The following BRD2 variants were observed in gnomAD, a reference collection of about 807,000 sequenced individuals.
BRD2 encodes the protein bromodomain containing 2, also known as bromodomain-containing protein 2.
In BRD2, 15 loss-of-function variants were observed where a neutral mutation model predicts 79.1. That is an observed-to-expected ratio of 0.19 (90% CI 0.13 to 0.29). The LOEUF (loss-of-function observed/expected upper bound fraction) is 0.29, where lower values mean the gene tolerates loss of function less well. BRD2 is among the 10% of genes least tolerant of loss of function. The probability of loss-of-function intolerance (pLI) is 1.00; values close to 1 mark genes in which losing one functional copy is unlikely to be tolerated. For missense variants in BRD2, 1,053 were observed against 991.3 expected, an observed-to-expected ratio of 1.06 and a Z score of -0.84; for synonymous variants, 488 against 358.6, an observed-to-expected ratio of 1.36 and a Z score of -4.08.
In BRD2 at chr6:32,978,244, G is replaced by C. The variant is rs146321913; in HGVS notation, c.1697G>C (p.Arg566Pro). ...KKRKAEKHRG[R>P]AGADEDDKGP... ...CGGAAGGCAGAGAAGCATCGAGGCC[G>C]AGCTGGGGCCGATGAAGATGACAAG... The change falls in exon 10 of 13, where the codon CGA becomes CCA. Residue 566 changes from arginine to proline, a missense_variant. This residue lies in a region of BRD2 where 454 missense variants were observed against 430.5 expected (regional missense o/e 1.05). Coordinates refer to ENST00000374825, the MANE Select transcript of BRD2 (RefSeq NM_005104.4). The C allele has an allele frequency of 1.2e-6, 2 of 1,613,046 alleles. No individual in the cohort carries two copies. The highest frequency in any genetic ancestry group is 1.7e-6 in the Non-Finnish European group (2 of 1,180,018).
chr6:32,975,285 G>GTGT (rs1554143939), intron 3 of BRD2, 99 bp from the exon 4 acceptor site: 29,569 of 690,066 alleles, frequency 0.043, 255 homozygotes, highest in South Asian at 0.064. Context: ...GCATAGGGGG[G>GTGT]GTGTGTGTGT....
In BRD2 at chr6:32,977,891, G is replaced by C; in HGVS notation, c.1464G>C (p.Glu488Asp). ...CCTCCAGTGAGGAAAGTAGCAGTGA[G>C]AGCTCCTCTGAGGAAGAGGAGGAGG... ...SESSSEESSS[E>D]SSSEEEEEED... Residue 488 changes from glutamate (E) to aspartate (D), a missense_variant, in exon 9 of 13, where the codon GAG becomes GAC. By Grantham distance (45) the Glu-to-Asp change is conservative. Around this residue, in one of 5 missense-constraint regions of BRD2, gnomAD observed 454 missense variants for 430.5 expected, o/e 1.05. Transcript: ENST00000374825. 1 of 1,613,102 alleles carries C rather than the reference G, an allele frequency of 6.2e-7. No homozygotes were observed. Among genetic ancestry groups the C allele is most frequent in the Non-Finnish European group, 8.5e-7 (1 of 1,180,016 alleles).
intron 2 of BRD2, 173 bp downstream of exon 2, chr6:32,973,100 C>T (rs1409767131): frequency 4.5e-6 from 7 of 1,563,210 alleles, no homozygotes; most frequent in East Asian, 2.4e-5. Context: ...GTGGTGGCGG[C>T]TCGGCTACTG....
intron 1 of BRD2, chr6:32,969,346 G>C: frequency 2.8e-6 from 2 of 717,006 alleles, no homozygotes; most frequent in Admixed American, 4.0e-5. Context: ...CAGCAGCCGG[G>C]AGCCAGGTGA....
intron 2 of BRD2, 57 bp downstream of exon 2, chr6:32,972,984 G>A (rs1778227075): frequency 1.9e-6 from 3 of 1,613,818 alleles, no homozygotes; most frequent in African/African-American, 1.3e-5. Context: ...CGGCACAGGG[G>A]TGTGGGGCGC....
chr6:32,980,795 C>G lies in BRD2; in HGVS notation c.*77C>G, dbSNP rs1779442533. On this transcript the variant is annotated 3_prime_UTR_variant, in exon 13 of 13. Transcript: ENST00000374825. ...CACCCTGCCCCACCTGCCCCTTCCC[C>G]CTTTGCTGTGACACTTCTTCATCTC... The G allele has an allele frequency of 6.4e-7, 1 of 1,551,336 alleles. No individual in the cohort carries two copies. Among genetic ancestry groups the G allele is most frequent in the Admixed American group, 1.7e-5 (1 of 58,922 alleles).
intron 10 of BRD2, chr6:32,978,602 T>C: frequency 1.4e-6 from 1 of 726,444 alleles, no homozygotes; most frequent in Non-Finnish European, 2.2e-6. Context: ...GGGATGAAAC[T>C]GTTCCACCTC....
Position 32,980,461 on chromosome 6 carries a change from A to G in BRD2, c.2266A>G (p.Lys756Glu). The G allele has an allele frequency of 6.2e-7, 1 of 1,613,048 alleles. No homozygotes were observed. ...QLNSTKKPPK[K>E]ANEKTESSSA... ...CAATTCTACTAAAAAGCCCCCCAAGAAAGGTGAGTATATACTTTCATGCCA... is the reference window on the plus strand; with the variant it reads ...CAATTCTACTAAAAAGCCCCCCAAGGAAGGTGAGTATATACTTTCATGCCA... Residue 756 changes from lysine to glutamate, a missense_variant, in exon 12 of 13, where the codon AAA (lysine) becomes GAA (glutamate). Lys to Glu is a moderately conservative substitution (Grantham distance 56). Coordinates refer to ENST00000374825, the MANE Select transcript of BRD2 (RefSeq NM_005104.4).
In BRD2 at chr6:32,977,871, A is replaced by G. The variant is rs1561950815; in HGVS notation, c.1444A>G (p.Ser482Gly). 2 of 1,613,100 alleles carry G rather than the reference A, an allele frequency of 1.2e-6. No homozygotes were observed. The highest frequency in any genetic ancestry group is 1.7e-6 in the Non-Finnish European group (2 of 1,180,034). ...GGCCAAATCGTCTTCAGAGTCCTCC[A>G]GTGAGGAAAGTAGCAGTGAGAGCTC... is the stretch of plus-strand genomic sequence containing the variant. ...GLAKSSSESS[S>G]EESSSESSSE... Residue 482 changes from serine to glycine, a missense_variant, in exon 9 of 13, where the codon AGT becomes GGT. By Grantham distance (56) the Ser-to-Gly change is moderately conservative. Coordinates refer to ENST00000374825, the MANE Select transcript of BRD2 (RefSeq NM_005104.4).
chr6:32,977,570 G>A lies in BRD2; in HGVS notation c.1329G>A (p.Gln443=), dbSNP rs1396481017. 6.2e-7 allele frequency: 1 copy of A among 1,613,978 alleles called. No homozygotes were observed. The highest frequency in any genetic ancestry group is 8.5e-7 in the Non-Finnish European group (1 of 1,180,026). Reference sequence around the variant, plus strand: ...TTGTGGCAATGGCACGAAAGCTACAGGTGAGTGGAAAGGTTGGAGTTTGAA... The same window carrying A: ...TTGTGGCAATGGCACGAAAGCTACAAGTGAGTGGAAAGGTTGGAGTTTGAA... The part of the protein sequence containing the change: ...HDVVAMARKL[Q]DVFEFRYAKM... Residue 443 remains glutamine (Q), a splice_region_variant and synonymous_variant, in exon 8 of 13, where the codon CAG becomes CAA. Transcript: ENST00000374825.
intron 3 of BRD2, 141 bp from the exon 4 acceptor site, chr6:32,975,243 G>T: frequency 8.7e-7 from 1 of 1,145,784 alleles, no homozygotes; most frequent in Non-Finnish European, 1.2e-6. Context: ...CAGTTTAATT[G>T]GGGCCGCAGT....
Position 32,976,332 on chromosome 6 carries a change from T to C in BRD2, c.693T>C (p.Pro231=), listed in dbSNP as rs766338136. The C allele has an allele frequency of 6.2e-7, 1 of 1,609,716 alleles. No homozygotes were observed. The highest frequency in any genetic ancestry group is 1.1e-5 in the South Asian group (1 of 91,008). Residue 231 remains proline, a synonymous_variant, in exon 6 of 13, where the codon CCT becomes CCC. Transcript: ENST00000374825. ...VSHTALYTPP[P]EIPTTVLNIP... ...ACACAGCCCTGTATACTCCTCCACC[T>C]GAGATACCTACCACTGTCCTCAACA... is the stretch of plus-strand genomic sequence containing the variant.
rs1200914548 is a variant in BRD2 at position 32,975,734 on chromosome 6, C to T, written c.471+213C>T. Among the ~76,000 whole-genome samples the T allele has an allele frequency of 2.0e-5, 3 of 152,208 alleles. No individual in the cohort carries two copies. The East Asian group carries it at 5.8e-4, about 29-fold the overall frequency. ...TAGTTGAAGGTTATTTAGAACACTTCATACTTGGGGGTGGTGGTCCTGTTT... is the reference window on the plus strand; with the variant it reads ...TAGTTGAAGGTTATTTAGAACACTTTATACTTGGGGGTGGTGGTCCTGTTT... On this transcript the variant is annotated intron_variant, in intron 4 of 12. Coordinates refer to ENST00000374825, the MANE Select transcript of BRD2 (RefSeq NM_005104.4).
Position 32,976,517 on chromosome 6 carries a change from A to G in BRD2, c.826-45A>G. 1 of 1,597,250 alleles carries G rather than the reference A, an allele frequency of 6.3e-7. No homozygotes were observed. Among genetic ancestry groups the G allele is most frequent in the Non-Finnish European group, 8.5e-7 (1 of 1,174,670 alleles). ...GCAGGGAGGCAAGGGTCTTAAGTAA[A>G]GTGGGCTTGGAGTGACAGGTTCCCT... On this transcript the variant is annotated intron_variant, in intron 6 of 12. Transcript: ENST00000374825.
At chr6:32,980,170 A>G (rs1468056099) in intron 11 of BRD2, 38 bp downstream of exon 11, 2 of 1,594,264 alleles carry the variant, frequency 1.3e-6, no homozygotes, top group African/African-American at 1.3e-5. Context: ...GGTTCTGAGG[A>G]CAGTTGAGGA....
Position 32,976,357 on chromosome 6 carries a change from A to G in BRD2, c.718A>G (p.Ile240Val). ...PPEIPTTVLN[I>V]PHPSVISSPL... ...TGAGATACCTACCACTGTCCTCAACATTCCCCACCCATCAGTCATTTCCTC... is the reference window on the plus strand; with the variant it reads ...TGAGATACCTACCACTGTCCTCAACGTTCCCCACCCATCAGTCATTTCCTC... Residue 240 changes from isoleucine to valine, a missense_variant, in exon 6 of 13, where the codon ATT becomes GTT. By Grantham distance (29) the Ile-to-Val change is conservative. Around this residue, in one of 5 missense-constraint regions of BRD2, gnomAD observed 413 missense variants for 335.1 expected, o/e 1.23. Transcript: ENST00000374825. 1 of 1,612,876 alleles carries G rather than the reference A, an allele frequency of 6.2e-7. No homozygotes were observed. The highest frequency in any genetic ancestry group is 8.5e-7 in the Non-Finnish European group (1 of 1,179,988).
rs60061018 is a variant in BRD2, at chr6:32,979,767, T to TGG, written c.1842-59_1842-58dup. Reference sequence around the variant, plus strand: ...AAATAGGATCACTGAATTATAACAGTGGGAACATACTGGAAGAGGTTAATG... The same window carrying TGG: ...AAATAGGATCACTGAATTATAACAGTGGGGGAACATACTGGAAGAGGTTAATG... On this transcript the variant is annotated intron_variant, in intron 10 of 12. Transcript: ENST00000374825. 13,920 of 1,540,682 alleles carry TGG rather than the reference T, an allele frequency of 9.0e-3. 141 individuals are homozygous for TGG. Among genetic ancestry groups the TGG allele is most frequent in the African/African-American group, 0.044 (3,199 of 72,500 alleles).
In BRD2 at chr6:32,972,287, A is replaced by G. The variant is rs955506687; in HGVS notation, c.-612A>G. ...AGCCTTCGAGTCGTCCGGGGCCGCC[A>G]TTACAATCCACCTCCATCCGCTTGG... On this transcript the variant is annotated 5_prime_UTR_variant, in exon 2 of 13. Transcript: ENST00000374825. The G allele has an allele frequency of 1.2e-5, 5 of 415,002 alleles. No homozygotes were observed. The highest frequency in any genetic ancestry group is 6.2e-5 in the South Asian group (3 of 48,030). The allele number at this position is 415,002 out of a possible 1,614,324, so 25.7% of individuals were successfully genotyped here. A position where few individuals can be genotyped will look rare whatever the true frequency, so the allele number is the denominator to read the frequency against.
At position 32,976,720 on chromosome 6, in the gene BRD2, C is replaced by G. The variant is rs1368546757; in HGVS notation, c.984C>G (p.Arg328=). The change falls in exon 7 of 13, where the codon CGC becomes CGG. Residue 328 remains arginine (R), a synonymous_variant. Coordinates refer to ENST00000374825, the MANE Select transcript of BRD2 (RefSeq NM_005104.4). ...RESGRPIKPP[R]KDLPDSQQQH... is the part of the protein sequence containing the mutation. ...GTGGTCGCCCCATCAAGCCCCCACGCAAAGACTTGCCTGACTCTCAGCAAC... is the reference window on the plus strand; with the variant it reads ...GTGGTCGCCCCATCAAGCCCCCACGGAAAGACTTGCCTGACTCTCAGCAAC... 8.7e-6 allele frequency: 14 copies of G among 1,613,298 alleles called. No individual in the cohort carries two copies. Among genetic ancestry groups the G allele is most frequent in the Admixed American group, 3.3e-5 (2 of 60,032 alleles).
Sources: gnomAD v4.1 joint callset for allele counts (sites outside exome capture counted in the v4.1 genomes callset) on GRCh38, gnomAD v4.1.1 for gene constraint, gnomAD v4.1.1 regional missense constraint, MANE v1.5 for transcripts, NCBI Gene and HGNC (gene_info 2026-07-23, HGNC 2026-07-21) for gene names.